The following AHSA1 variants were observed in gnomAD, a reference collection of about 807,000 sequenced individuals.
AHSA1 encodes activator of 90 kDa heat shock protein ATPase homolog 1.
AHSA1 carries 14 observed loss-of-function variants against 46.1 expected under a neutral mutation model. The observed-to-expected ratio is 0.30, with a 90% CI of 0.20 to 0.47. The LOEUF is 0.47. Ranked by LOEUF, AHSA1 falls within the 20% of genes least tolerant of loss-of-function variation. AHSA1 has a pLI of 0.99. For missense variants in AHSA1, 333 were observed against 415.9 expected (o/e 0.80, Z 1.73); for synonymous variants, 147 against 145.8 (o/e 1.01, Z -0.06).
chr14:77,464,091 C>T (rs1006403183), intron 4 of AHSA1, among the ~76,000 whole-genome samples: 2 of 152,298 alleles, frequency 1.3e-5, no homozygotes, highest in Admixed American at 6.5e-5. Flanking sequence ...TAAAAATAAT[C>T]CCAGTGGCCA....
chr14:77,458,070 A>T, upstream of AHSA1: 1 of 809,208 alleles, frequency 1.2e-6, no homozygotes. Flanking sequence ...AAAGCAAGCC[A>T]GGAGGTGCTT....
At chr14:77,468,325 T>A in intron 7 of AHSA1, 132 bp from the exon 8 acceptor site, 1 of 1,153,920 alleles carries the variant, frequency 8.7e-7, no homozygotes, top group Non-Finnish European at 1.3e-6. Flanking sequence ...AAAAAGGCTG[T>A]GATTTGAACT....
rs377744443 is a variant in AHSA1 at position 77,460,934 on chromosome 14, C to T, written c.271+1128C>T. Among the ~76,000 whole-genome samples the T allele has an allele frequency of 1.1e-3, 170 of 150,746 alleles. 1 individual carries two copies. Among genetic ancestry groups the T allele is most frequent in the African/African-American group, 3.7e-3 (150 of 40,928 alleles). The stretch of plus-strand genomic sequence containing the variant: ...CAGCACTTTGGGAGGCCAAGGTGGG[C>T]GGATCACGAGGTCAGGAGATCAAGA... On this transcript the variant is annotated intron_variant, in intron 2 of 8. Coordinates refer to ENST00000216479, the MANE Select transcript of AHSA1 (RefSeq NM_012111.3).
chr14:77,467,943 A>G (rs933338713), intron 6 of AHSA1, 140 bp from the exon 7 acceptor site: 27 of 588,902 alleles, frequency 4.6e-5, no homozygotes, highest in Admixed American at 1.7e-4. Flanking sequence ...ATAGAGGGAC[A>G]CCCTGGACCC....
At chr14:77,460,480 A>G (rs912867009) in intron 2 of AHSA1, among the ~76,000 whole-genome samples, 10 of 94,444 alleles carry the variant, frequency 1.1e-4, no homozygotes, top group East Asian at 6.1e-4. Flanking sequence ...AAGTAGATCT[A>G]TCTGTCCATG....
At chr14:77,458,045 G>T (rs964086246), upstream of AHSA1, 4 of 610,870 alleles carry the variant, frequency 6.5e-6, no homozygotes, top group African/African-American at 3.9e-5. Context: ...TTAAGGAGGG[G>T]AGGGGGTGGA....
rs138402374 is a variant in AHSA1, at chr14:77,468,160, C to T, written c.768C>T (p.Asn256=). 21 of 1,557,322 alleles carry T rather than the reference C, an allele frequency of 1.3e-5. No individual in the cohort carries two copies. The highest frequency in any genetic ancestry group is 1.8e-5 in the Non-Finnish European group (21 of 1,150,178). Residue 256 remains asparagine (N), a synonymous_variant, in exon 7 of 9, where the codon AAC becomes AAT. Coordinates refer to ENST00000216479, the MANE Select transcript of AHSA1 (RefSeq NM_012111.3). ...GAAAGTTCCACATGGTAGATGGCAA[C>T]GTCTCTGGGGAATTTACTGATCTGG... ...RGGKFHMVDG[N]VSGEFTDLVP...
At chr14:77,468,728 TTTTTTTTTTTTTTTTTTACTTTTTTAC>T (rs2079059583) in intron 8 of AHSA1, 7 of 474,874 alleles carry the variant, frequency 1.5e-5, no homozygotes, top group Non-Finnish European at 2.5e-5. Context: ...CAGCTTTTTT[TTTTTTTTTTTTTTTTTTACTTTTTTAC>T]TTTTTTTGTA....
Position 77,462,600 on chromosome 14 carries a change from C to T in AHSA1, c.355-42C>T, listed in dbSNP as rs768259515. The stretch of plus-strand genomic sequence containing the variant: ...GCCCCCACATTCCATAATGAGGGTG[C>T]CCCTCAAGTTATTTACCACCTACTT... On this transcript the variant is annotated intron_variant, in intron 3 of 8. Coordinates refer to ENST00000216479, the MANE Select transcript of AHSA1 (RefSeq NM_012111.3). The T allele has an allele frequency of 4.5e-6, 7 of 1,541,234 alleles. No homozygotes were observed. The Admixed American group carries it at 8.3e-5, about 18-fold the overall frequency.
Position 77,458,211 on chromosome 14 carries a change from G to T in AHSA1, c.22G>T (p.Asp8Tyr). MAKWGEG[D>Y]PRWIVEERAD... ...GCCGATGGCCAAGTGGGGTGAGGGA[G>T]ACCCACGCTGGATCGTGGAGGAGCG... Residue 8 changes from aspartate (D) to tyrosine (Y), a missense_variant, in exon 1 of 9, where the codon GAC becomes TAC. Asp to Tyr is a radical substitution (Grantham distance 160). Transcript: ENST00000216479. The T allele has an allele frequency of 6.5e-7, 1 of 1,542,734 alleles. No individual in the cohort carries two copies. The highest frequency in any genetic ancestry group is 8.7e-7 in the Non-Finnish European group (1 of 1,144,190).
intron 8 of AHSA1, 111 bp from the exon 9 acceptor site, chr14:77,468,966 C>T (rs2079061650): frequency 7.7e-7 from 1 of 1,291,872 alleles, no homozygotes; most frequent in Non-Finnish European, 1.1e-6. Flanking sequence ...CCTCAGCCTG[C>T]CAAAGTGCTG....
In AHSA1 at chr14:77,469,230, A is replaced by T. The variant is rs1426837078; in HGVS notation, c.998A>T (p.Tyr333Phe). 10 of 1,613,846 alleles carry T rather than the reference A, an allele frequency of 6.2e-6. No homozygotes were observed. The highest frequency in any genetic ancestry group is 8.5e-6 in the Non-Finnish European group (10 of 1,179,924). Residue 333 changes from tyrosine (Y) to phenylalanine (F), a missense_variant, in exon 9 of 9, where the codon TAT becomes TTT. Transcript: ENST00000216479. ...YFEGIKQTFG[Y>F]GARLF ...GAGGGCATTAAACAGACCTTTGGCT[A>T]TGGCGCACGCTTATTTTAGGGCCAG...
At chr14:77,458,715 G>C (rs925363082) in intron 1 of AHSA1, among the ~76,000 whole-genome samples, 4 of 152,172 alleles carry the variant, frequency 2.6e-5, no homozygotes, top group Non-Finnish European at 5.9e-5. Context: ...CCGCTGCAGC[G>C]GTCCCGCGGG....
chr14:77,461,599 C>A (rs1481598038), intron 2 of AHSA1, among the ~76,000 whole-genome samples: 1 of 152,162 alleles, frequency 6.6e-6, no homozygotes, highest in Admixed American at 6.5e-5. Flanking sequence ...GAAGGAGAGT[C>A]ATCCACAATC....
upstream of AHSA1, chr14:77,458,088 C>T (rs1468886019): frequency 5.5e-6 from 6 of 1,089,492 alleles, no homozygotes; most frequent in East Asian, 3.1e-5. Flanking sequence ...CTTGCGGCCG[C>T]TTCTAGTAGT....
Position 77,468,074 on chromosome 14 carries a change from TC to T in AHSA1, c.691-6del. 1.2e-5 allele frequency: 16 copies of T among 1,303,052 alleles called. No individual in the cohort carries two copies. Among genetic ancestry groups the T allele is most frequent in the Admixed American group, 6.1e-5 (2 of 33,016 alleles). The allele number at this position is 1,303,052 out of a possible 1,614,324, so 80.7% of individuals were successfully genotyped here. A position where few individuals can be genotyped will look rare whatever the true frequency, so the allele number is the denominator to read the frequency against. ...CTCTTTTTTTTTTTTTTTTTTTTTT[TC>T]CCTGCAGCTGGTGCAGGCCTTTACC... On this transcript the variant is annotated splice_region_variant and splice_polypyrimidine_tract_variant and intron_variant, in intron 6 of 8. Transcript: ENST00000216479.
intron 1 of AHSA1, 46 bp downstream of exon 1, chr14:77,458,315 G>A (rs1443619000): frequency 1.3e-6 from 2 of 1,533,592 alleles, no homozygotes; most frequent in Non-Finnish European, 1.8e-6. Flanking sequence ...CTGCGGCCGG[G>A]CCAGGGTTTC....
chr14:77,468,051 CTTT>C (rs34989956), intron 6 of AHSA1, 29 bp from the exon 7 acceptor site: 6,123 of 679,004 alleles, frequency 9.0e-3, no homozygotes, highest in Middle Eastern at 0.012. Flanking sequence ...TCTTCTGCCT[CTTT>C]TTTTTTTTTT....
rs979781560 is a variant in AHSA1 at position 77,465,605 on chromosome 14, A to T, written c.628A>T (p.Thr210Ser). 1.9e-5 allele frequency: 30 copies of T among 1,613,880 alleles called. No homozygotes were observed. In the African/African-American group the frequency reaches 3.7e-4, roughly 20 times the overall value. Residue 210 changes from threonine to serine, a missense_variant, in exon 6 of 9, where the codon ACT (threonine) becomes TCT (serine). Physicochemically the swap from Thr to Ser is moderately conservative, Grantham distance 58 (BLOSUM62 1). Coordinates refer to ENST00000216479, the MANE Select transcript of AHSA1 (RefSeq NM_012111.3). ...VGVKIPTCKI[T>S]LKETFLTSPE... ...AGTCAAAATCCCCACTTGTAAGATC[A>T]CTCTTAAGGAAACCTTCCTGACGTC... is the stretch of plus-strand genomic sequence containing the variant.
Sources: gnomAD v4.1 joint callset for allele counts (sites outside exome capture counted in the v4.1 genomes callset) on GRCh38, gnomAD v4.1.1 for gene constraint, MANE v1.5 for transcripts, NCBI Gene and HGNC (gene_info 2026-07-23, HGNC 2026-07-21) for gene names.